NGDN: variants seen among roughly 807,000 people sequenced by gnomAD.
The protein encoded by NGDN is neuroguidin.
In NGDN, 41 loss-of-function variants were observed where a neutral mutation model predicts 45.2. The observed-to-expected ratio is 0.91, with a 90% CI of 0.71 to 1.18. The LOEUF (loss-of-function observed/expected upper bound fraction) is 1.18. Among genes scored for constraint, NGDN ranks in the 50% most tolerant of loss-of-function variants. The probability of loss-of-function intolerance (pLI) is 0.00; values close to 1 mark genes in which losing one functional copy is unlikely to be tolerated. For synonymous variants in NGDN, 137 were observed against 130.9 expected (o/e 1.05, Z -0.32); for missense variants, 402 against 399.9 (o/e 1.01, Z -0.05).
Position 23,475,202 on chromosome 14 carries a change from T to C in NGDN, c.176T>C (p.Leu59Pro). ...GLSFLEVKDQLLLMYLMDLTH... is the reference protein window; with the variant it reads ...GLSFLEVKDQPLLMYLMDLTH... ...AGCTTCTTGGAAGTGAAAGACCAGC[T>C]GCTGCTCATGTACCTTATGGATTTG... The change falls in exon 4 of 11, where the codon CTG (leucine) becomes CCG (proline). Residue 59 changes from leucine to proline, a missense_variant. Transcript: ENST00000408901. 6.2e-7 allele frequency: 1 copy of C among 1,613,830 alleles called. No individual in the cohort carries two copies. Among genetic ancestry groups the C allele is most frequent in the Non-Finnish European group, 8.5e-7 (1 of 1,179,898 alleles).
At chr14:23,478,239 G>A (rs898088026), downstream of NGDN, 135 of 459,868 alleles carry the variant, frequency 2.9e-4, no homozygotes, top group African/African-American at 4.6e-4. Flanking sequence ...TTTTTGGTGA[G>A]TGGTTGGTGA....
chr14:23,477,319 T>C lies in NGDN; in HGVS notation c.833T>C (p.Ile278Thr), dbSNP rs762476930. 1 of 1,614,090 alleles carries C rather than the reference T, an allele frequency of 6.2e-7. No individual in the cohort carries two copies. The highest frequency in any genetic ancestry group is 1.3e-5 in the African/African-American group (1 of 74,936). The change falls in exon 9 of 11, where the codon ATC (isoleucine) becomes ACC (threonine). Residue 278 changes from isoleucine to threonine, a missense_variant. Coordinates refer to ENST00000408901, the MANE Select transcript of NGDN (RefSeq NM_001042635.2). ...CATTCCCTTACACACTTCAGTGACA[T>C]CAGTGCTTTGACAGGGGGAACTGTT... ...QLHSLTHFSD[I>T]SALTGGTVHL...
intron 3 of NGDN, among the ~76,000 whole-genome samples, chr14:23,471,839 A>C (rs944704144): frequency 6.6e-6 from 1 of 152,120 alleles, no homozygotes; most frequent in Admixed American, 6.5e-5. Flanking sequence ...CTTATGACAT[A>C]ATACCAAGAT....
intron 1 of NGDN, 147 bp downstream of exon 1, chr14:23,469,874 C>T: frequency 8.0e-7 from 1 of 1,256,518 alleles, no homozygotes; most frequent in Admixed American, 1.9e-5. Flanking sequence ...CCGTTCCTGT[C>T]CGGTAACCCA....
chr14:23,478,731 C>G (rs1566552699), downstream of NGDN: 15 of 5,824 alleles, frequency 2.6e-3, no homozygotes, highest in South Asian at 7.7e-3. Flanking sequence ...GACTCTGACC[C>G]CCACCCCCCC....
Position 23,477,995 on chromosome 14 carries a change from C to T in NGDN, c.929-12C>T, listed in dbSNP as rs758513150. ...TGTCCTTTGCCTCATTCTTGGTTTCCCTTCCTTTCAGGTTTTCGGAGGCGG... is the reference window on the plus strand; with the variant it reads ...TGTCCTTTGCCTCATTCTTGGTTTCTCTTCCTTTCAGGTTTTCGGAGGCGG... On this transcript the variant is annotated splice_polypyrimidine_tract_variant and intron_variant, in intron 10 of 10. Coordinates refer to ENST00000408901, the MANE Select transcript of NGDN (RefSeq NM_001042635.2). 6.2e-7 allele frequency: 1 copy of T among 1,614,112 alleles called. No homozygotes were observed. The highest frequency in any genetic ancestry group is 1.7e-5 in the Admixed American group (1 of 60,004).
intron 1 of NGDN, 88 bp from the exon 2 acceptor site, chr14:23,469,954 G>A (rs1341748742): frequency 1.4e-6 from 2 of 1,405,984 alleles, no homozygotes; most frequent in African/African-American, 2.9e-5. Flanking sequence ...CTGACGGAGA[G>A]AGGGCAGTTT....
At position 23,478,019 on chromosome 14, in the gene NGDN, G is replaced by A. The variant is rs749013003; in HGVS notation, c.941G>A (p.Arg314Gln). The A allele has an allele frequency of 5.6e-6, 9 of 1,613,938 alleles. No individual in the cohort carries two copies. Among genetic ancestry groups the A allele is most frequent in the South Asian group, 3.3e-5 (3 of 91,060 alleles). ...CCCTTCCTTTCAGGTTTTCGGAGGCGGCGGTGATTATGGGTGTACATATTT... is the reference window on the plus strand; with the variant it reads ...CCCTTCCTTTCAGGTTTTCGGAGGCAGCGGTGATTATGGGTGTACATATTT... ...KGRKKKGFRR[R>Q]R Residue 314 changes from arginine to glutamine, a missense_variant, in exon 11 of 11, where the codon CGG becomes CAG. Transcript: ENST00000408901.
chr14:23,469,756 T>G (rs781625502), intron 1 of NGDN, 29 bp downstream of exon 1: 2 of 1,613,878 alleles, frequency 1.2e-6, no homozygotes, highest in Non-Finnish European at 1.7e-6. Flanking sequence ...CTTCCTCGCG[T>G]AGCTATTGTG....
rs371914128 is a variant in NGDN at position 23,475,594 on chromosome 14, A to C, written c.319A>C (p.Lys107Gln). Residue 107 changes from lysine to glutamine, a missense_variant, in exon 5 of 11, where the codon AAG becomes CAG. Physicochemically the swap from Lys to Gln is moderately conservative, Grantham distance 53. Transcript: ENST00000408901. Reference sequence around the variant, plus strand: ...GCTTCGTCCCTTGGACCAAAAGCTGAAGTATCAAATTGACAAGCTGATCAA... The same window carrying C: ...GCTTCGTCCCTTGGACCAAAAGCTGCAGTATCAAATTGACAAGCTGATCAA... ...EKLRPLDQKLKYQIDKLIKTA... is the reference protein window; with the variant it reads ...EKLRPLDQKLQYQIDKLIKTA... The C allele has an allele frequency of 1.2e-6, 2 of 1,614,086 alleles. No homozygotes were observed. Among genetic ancestry groups the C allele is most frequent in the Non-Finnish European group, 1.7e-6 (2 of 1,180,032 alleles).
intron 3 of NGDN, among the ~76,000 whole-genome samples, chr14:23,472,266 C>T (rs992316272): frequency 6.7e-6 from 1 of 148,494 alleles, no homozygotes; most frequent in Middle Eastern, 3.7e-3. Context: ...GAGATTGTGG[C>T]GGATGGATCA....
intron 3 of NGDN, among the ~76,000 whole-genome samples, chr14:23,473,694 T>G (rs1313841773): frequency 6.6e-6 from 1 of 152,040 alleles, no homozygotes; most frequent in East Asian, 1.9e-4. Flanking sequence ...TTTTTTTAAA[T>G]AAAAATGGAC....
chr14:23,476,518 G>C, intron 8 of NGDN, 111 bp downstream of exon 8: 1 of 1,031,358 alleles, frequency 9.7e-7, no homozygotes, highest in Non-Finnish European at 1.3e-6. Flanking sequence ...CATAGAAAAT[G>C]GAGTGAAAAC....
In NGDN at chr14:23,475,558, G is replaced by A. The variant is rs991644485; in HGVS notation, c.283G>A (p.Val95Ile). 1.2e-6 allele frequency: 2 copies of A among 1,613,552 alleles called. No individual in the cohort carries two copies. Among genetic ancestry groups the A allele is most frequent in the African/African-American group, 2.7e-5 (2 of 74,924 alleles). Reference protein sequence around the residue: ...AVLRLVEIRTVLEKLRPLDQK... With the variant: ...AVLRLVEIRTILEKLRPLDQK... ...ATCCTGATTAACTACCATGTTGTAGGTTTTGGAAAAGCTTCGTCCCTTGGA... is the reference window on the plus strand; with the variant it reads ...ATCCTGATTAACTACCATGTTGTAGATTTTGGAAAAGCTTCGTCCCTTGGA... Residue 95 changes from valine to isoleucine, a missense_variant and splice_region_variant, in exon 5 of 11, where the codon GTT (valine) becomes ATT (isoleucine). Transcript: ENST00000408901.
chr14:23,470,291 C>G (rs1465968576), intron 2 of NGDN, 190 bp downstream of exon 2: 1 of 564,394 alleles, frequency 1.8e-6, no homozygotes, highest in Non-Finnish European at 3.2e-6. Flanking sequence ...ACAAGAAACT[C>G]CAAAAAGAAA....
intron 3 of NGDN, among the ~76,000 whole-genome samples, chr14:23,473,712 A>G (rs1893836098): frequency 6.6e-6 from 1 of 152,202 alleles, no homozygotes; most frequent in Admixed American, 6.5e-5. Flanking sequence ...GACAGTAAGA[A>G]CATAAGTGAA....
chr14:23,475,856 C>A, intron 6 of NGDN, 78 bp downstream of exon 6: 1 of 1,490,458 alleles, frequency 6.7e-7, no homozygotes, highest in Non-Finnish European at 9.2e-7. Flanking sequence ...TCCTGGATAC[C>A]CTGGGATTCT....
In NGDN at chr14:23,477,911, A is replaced by G. The variant is rs79291757; in HGVS notation, c.929-96A>G. Reference sequence around the variant, plus strand: ...TTCAGGGTACTGCCTAGGAGACCCCACCCCTGTGAGCCCTTCCCTCTAGAT... The same window carrying G: ...TTCAGGGTACTGCCTAGGAGACCCCGCCCCTGTGAGCCCTTCCCTCTAGAT... On this transcript the variant is annotated intron_variant, in intron 10 of 10. Coordinates refer to ENST00000408901, the MANE Select transcript of NGDN (RefSeq NM_001042635.2). 4,029 of 1,611,464 alleles carry G rather than the reference A, an allele frequency of 2.5e-3. 133 individuals carry two copies. In the East Asian group the frequency reaches 0.072, roughly 29 times the overall value.
At position 23,475,710 on chromosome 14, in the gene NGDN, G is replaced by A. The variant is rs1893885005; in HGVS notation, c.368-16G>A. The A allele has an allele frequency of 1.2e-6, 2 of 1,613,986 alleles. No homozygotes were observed. The highest frequency in any genetic ancestry group is 4.5e-5 in the East Asian group (2 of 44,876). On this transcript the variant is annotated splice_polypyrimidine_tract_variant and intron_variant, in intron 5 of 10. Transcript: ENST00000408901. ...AGTTCCAAATTTTGTAAAATTCATT[G>A]GGTTATTTATTTCAGGTGAGAATGA...
Sources: allele counts gnomAD v4.1 joint callset (sites outside exome capture counted in the v4.1 genomes callset), GRCh38; gene constraint gnomAD v4.1.1; transcripts MANE v1.5; gene names NCBI Gene and HGNC (gene_info 2026-07-23, HGNC 2026-07-21).